Variants in STARD13 observed in about 807,000 individuals in gnomAD.
STARD13 encodes the protein stAR-related lipid transfer protein 13.
Under a neutral mutation model 106.4 loss-of-function variants are expected in STARD13, and 62 were observed. The ratio of observed to expected loss-of-function variants is 0.58; its 90% CI spans 0.48 to 0.72. The LOEUF (loss-of-function observed/expected upper bound fraction) is 0.72. Ranked by LOEUF, STARD13 falls within the 30% of genes least tolerant of loss-of-function variation. STARD13 has a pLI of 0.00. For synonymous variants in STARD13, 565 were observed against 553.0 expected (o/e 1.02, Z -0.31); for missense variants, 1,387 against 1,424.0 (o/e 0.97, Z 0.42).
intron 4 of STARD13, among the ~76,000 whole-genome samples, chr13:33,134,141 C>T (rs1032790612): frequency 7.2e-5 from 11 of 152,150 alleles, no homozygotes; most frequent in African/African-American, 2.4e-4. Flanking sequence ...TAGGTTCCCA[C>T]GTTGTGGACA....
the STARD13 span, among the ~76,000 whole-genome samples, chr13:33,425,484 G>C: frequency 6.6e-6 from 1 of 152,166 alleles, no homozygotes; most frequent in East Asian, 1.9e-4. Context: ...ACACCTTCTA[G>C]AATGTGTGCA....
Position 33,165,370 on chromosome 13 carries a change from A to T in STARD13, c.290T>A (p.Phe97Tyr). Residue 97 changes from phenylalanine to tyrosine, a missense_variant, in exon 3 of 14, where the codon TTT (phenylalanine) becomes TAT (tyrosine). Transcript: ENST00000336934. ...AGGTTCTACAAGGTCCTTTTCAAGA[A>T]AATCATGATCATTCTTGACAGCCAC... is the stretch of plus-strand genomic sequence containing the variant. Reference protein sequence around the residue: ...NIVAVKNDHDFLEKDLVEPLC... With the variant: ...NIVAVKNDHDYLEKDLVEPLC... 1.2e-6 allele frequency: 2 copies of T among 1,614,026 alleles called. No individual in the cohort carries two copies. The highest frequency in any genetic ancestry group is 1.7e-6 in the Non-Finnish European group (2 of 1,179,920).
At chr13:33,352,306 G>T (rs2078086380), upstream of STARD13, among the ~76,000 whole-genome samples, 1 of 152,180 alleles carries the variant, frequency 6.6e-6, no homozygotes, top group Non-Finnish European at 1.5e-5. Flanking sequence ...GCTATACAGT[G>T]TAACAACAAA....
chr13:33,117,139 C>T (rs1197233520), intron 8 of STARD13, among the ~76,000 whole-genome samples: 3 of 152,250 alleles, frequency 2.0e-5, no homozygotes, highest in South Asian at 2.1e-4. Context: ...GATGGAGTCT[C>T]GCTCTGTCAC....
intron 1 of STARD13, chr13:33,272,725 G>A (rs1329082731): frequency 6.6e-6 from 1 of 152,208 alleles, no homozygotes; most frequent in Non-Finnish European, 1.5e-5. Flanking sequence ...CGTCATTCCT[G>A]GCATTATCGA....
At chr13:33,536,181 G>A in the STARD13 span, among the ~76,000 whole-genome samples, 1 of 152,176 alleles carries the variant, frequency 6.6e-6, no homozygotes, top group Admixed American at 6.5e-5. Context: ...TGGTAAAATG[G>A]TGAAGCAAAA....
chr13:33,609,105 A>AAAAAAAAAAAAAAAAAAAG, the STARD13 span, among the ~76,000 whole-genome samples: 86 of 133,142 alleles, frequency 6.5e-4, 6 homozygotes, highest in African/African-American at 2.1e-3. Context: ...AAAAAAAAAA[A>AAAAAAAAAAAAAAAAAAAG]AAATATTGAT....
At chr13:33,256,030 A>G (rs1243182845) in intron 1 of STARD13, among the ~76,000 whole-genome samples, 3 of 152,260 alleles carry the variant, frequency 2.0e-5, no homozygotes, top group African/African-American at 7.2e-5. Context: ...TCATCTGACC[A>G]CTTTCCAAAT....
the STARD13 span, among the ~76,000 whole-genome samples, chr13:33,623,171 G>A: frequency 1.3e-5 from 2 of 151,878 alleles, no homozygotes; most frequent in Non-Finnish European, 2.9e-5. Context: ...CAGTGAGATC[G>A]ATCAGATAAT....
intron 3 of STARD13, among the ~76,000 whole-genome samples, chr13:33,163,620 AT>A (rs1882928140): frequency 7.4e-6 from 1 of 135,560 alleles, no homozygotes; most frequent in Non-Finnish European, 1.5e-5. Flanking sequence ...ATATATATAT[AT>A]ATAAAACATA....
At chr13:33,416,483 T>C in the STARD13 span, among the ~76,000 whole-genome samples, 7 of 152,288 alleles carry the variant, frequency 4.6e-5, no homozygotes, top group African/African-American at 1.7e-4. Context: ...AAAATGTAGT[T>C]GGTGAGGATG....
At chr13:33,494,852 C>T in the STARD13 span, among the ~76,000 whole-genome samples, 1 of 151,840 alleles carries the variant, frequency 6.6e-6, no homozygotes, top group African/African-American at 2.4e-5. Context: ...TTTGCTGCTG[C>T]ACCAAAAAAA....
intron 8 of STARD13, chr13:33,117,597 T>C: frequency 1.0e-6 from 1 of 978,268 alleles, no homozygotes; most frequent in South Asian, 4.7e-5. Flanking sequence ...TTGGTTTGCT[T>C]ACTTTTCACC....
In STARD13 at chr13:33,159,257, T is replaced by C. The variant is rs563920759; in HGVS notation, c.323+6080A>G. Among the ~76,000 whole-genome samples, 14 of 152,336 alleles carry C rather than the reference T, an allele frequency of 9.2e-5. No homozygotes were observed. The East Asian group carries it at 2.7e-3, about 29-fold the overall frequency. ...ACTTCCTGATTTTTCTGGACGACAC[T>C]AGTATTATTATCCTGAACTTTATAT... On this transcript the variant is annotated intron_variant, in intron 3 of 13. Transcript: ENST00000336934.
At chr13:33,249,780 ATTATTTAT>A (rs746978904) in intron 1 of STARD13, among the ~76,000 whole-genome samples, 2 of 151,742 alleles carry the variant, frequency 1.3e-5, no homozygotes, top group Non-Finnish European at 1.5e-5. Context: ...ATTATCTGTT[ATTATTTAT>A]TTATTTATTT....
the STARD13 span, among the ~76,000 whole-genome samples, chr13:33,376,414 C>T: frequency 6.6e-6 from 1 of 152,116 alleles, no homozygotes; most frequent in Admixed American, 6.6e-5. Context: ...AATGGGAAGG[C>T]AGCAGGTTGA....
At chr13:33,528,255 T>TATAC in the STARD13 span, among the ~76,000 whole-genome samples, 17 of 128,890 alleles carry the variant, frequency 1.3e-4, no homozygotes, top group African/African-American at 5.7e-4. Context: ...TATATATATA[T>TATAC]ACATATATAT....
intron 1 of STARD13, among the ~76,000 whole-genome samples, chr13:33,297,889 G>A (rs953266284): frequency 2.6e-5 from 4 of 152,168 alleles, no homozygotes; most frequent in Admixed American, 2.0e-4. Context: ...GGTCTTACAT[G>A]GCTTGAACTT....
the STARD13 span, among the ~76,000 whole-genome samples, chr13:33,646,881 AAG>A: frequency 3.9e-5 from 6 of 152,188 alleles, no homozygotes; most frequent in African/African-American, 1.2e-4. Context: ...ATATTTTTGA[AAG>A]AGTAATATTT....
Sources: allele counts gnomAD v4.1 joint callset (sites outside exome capture counted in the v4.1 genomes callset), GRCh38; gene constraint gnomAD v4.1.1; transcripts MANE v1.5; gene names NCBI Gene and HGNC (gene_info 2026-07-23, HGNC 2026-07-21).